Variants in SV2C observed in about 807,000 individuals in gnomAD.
The protein encoded by SV2C is synaptic vesicle glycoprotein 2C.
In SV2C, 49 loss-of-function variants were observed where a neutral mutation model predicts 79.7. The observed-to-expected ratio is 0.61, with a 90% CI of 0.49 to 0.78. SV2C has a LOEUF of 0.78. Ranked by LOEUF, SV2C falls within the 30% of genes least tolerant of loss-of-function variation. SV2C has a pLI of 0.00. For missense variants in SV2C, 833 were observed against 912.9 expected (o/e 0.91, Z 1.13); for synonymous variants, 334 against 333.2 (o/e 1.00, Z -0.03).
At chr5:76,335,567 G>A (rs534928519), downstream of SV2C, among the ~76,000 whole-genome samples, 6 of 152,046 alleles carry the variant, frequency 3.9e-5, no homozygotes, top group South Asian at 1.0e-3. Context: ...AGGACCCTGC[G>A]GCCCTCCGCA....
chr5:76,194,467 C>T (rs754688147), intron 2 of SV2C, among the ~76,000 whole-genome samples: 13 of 152,202 alleles, frequency 8.5e-5, no homozygotes, highest in Non-Finnish European at 1.6e-4. Flanking sequence ...GTCTCCAGGA[C>T]ACACACTGGG....
the SV2C span, among the ~76,000 whole-genome samples, chr5:75,930,995 A>G: frequency 6.6e-6 from 1 of 152,140 alleles, no homozygotes; most frequent in African/African-American, 2.4e-5. Flanking sequence ...TTAGCCAGGC[A>G]CGGTGGCACA....
intron 4 of SV2C, among the ~76,000 whole-genome samples, chr5:76,259,588 C>T (rs1746398585): frequency 2.0e-5 from 3 of 152,024 alleles, no homozygotes; most frequent in African/African-American, 7.2e-5. Flanking sequence ...TCCTAATGCT[C>T]TCCCTCCCCT....
At chr5:76,310,171 G>A (rs980199537) in intron 12 of SV2C, among the ~76,000 whole-genome samples, 1 of 152,228 alleles carries the variant, frequency 6.6e-6, no homozygotes, top group African/African-American at 2.4e-5. Context: ...TTCTATAATA[G>A]TTTGAGGAAG....
rs766025327 is a variant in SV2C at position 76,209,819 on chromosome 5, T to C, written c.845T>C (p.Leu282Pro). Residue 282 changes from leucine (L) to proline (P), a missense_variant, in exon 4 of 13, where the codon CTC (leucine) becomes CCC (proline). Transcript: ENST00000502798. Reference sequence around the variant, plus strand: ...AAGCGGGGCGAACACTTGAGCTGGCTCTGCATGTTCTGGATGATCGGTGGC... The same window carrying C: ...AAGCGGGGCGAACACTTGAGCTGGCCCTGCATGTTCTGGATGATCGGTGGC... ...REKRGEHLSW[L>P]CMFWMIGGIY... is the part of the protein sequence containing the mutation. 6.2e-7 allele frequency: 1 copy of C among 1,614,254 alleles called. No individual in the cohort carries two copies. The highest frequency in any genetic ancestry group is 1.7e-5 in the Admixed American group (1 of 60,032).
At chr5:76,078,056 A>G in the SV2C span, among the ~76,000 whole-genome samples, 1 of 152,220 alleles carries the variant, frequency 6.6e-6, no homozygotes, top group Non-Finnish European at 1.5e-5. Context: ...TGGAGGTCTG[A>G]GCATGCTAGC....
At chr5:76,212,889 C>T (rs1025101235) in intron 4 of SV2C, among the ~76,000 whole-genome samples, 1 of 152,194 alleles carries the variant, frequency 6.6e-6, no homozygotes, top group African/African-American at 2.4e-5. Flanking sequence ...TAAGCATGAT[C>T]ACCACTTTCC....
chr5:75,915,643 A>T, the SV2C span, among the ~76,000 whole-genome samples: 12 of 152,226 alleles, frequency 7.9e-5, no homozygotes, highest in African/African-American at 2.7e-4. Flanking sequence ...GAGAAGGAAC[A>T]TGCAGTCTCC....
At chr5:76,092,836 A>G (rs1747424954) in intron 1 of SV2C, among the ~76,000 whole-genome samples, 1 of 152,050 alleles carries the variant, frequency 6.6e-6, no homozygotes, top group Non-Finnish European at 1.5e-5. Context: ...CCTCAGCTCG[A>G]AGGTCCCTTT....
the SV2C span, among the ~76,000 whole-genome samples, chr5:75,930,996 C>A: frequency 6.6e-6 from 1 of 151,994 alleles, no homozygotes; most frequent in Non-Finnish European, 1.5e-5. Flanking sequence ...TAGCCAGGCA[C>A]GGTGGCACAT....
At chr5:76,337,019 G>A (rs916227314), downstream of SV2C, among the ~76,000 whole-genome samples, 4 of 152,088 alleles carry the variant, frequency 2.6e-5, no homozygotes, top group African/African-American at 9.7e-5. Flanking sequence ...GGCAACATAA[G>A]TCTTGAGGTA....
Position 76,291,819 on chromosome 5 carries a change from A to G in SV2C, c.1300A>G (p.Ile434Val), listed in dbSNP as rs1348438904. 1 of 1,610,934 alleles carries G rather than the reference A, an allele frequency of 6.2e-7. No individual in the cohort carries two copies. Among genetic ancestry groups the G allele is most frequent in the Admixed American group, 1.7e-5 (1 of 59,786 alleles). The change falls in exon 8 of 13, where the codon ATA (isoleucine) becomes GTA (valine). Residue 434 changes from isoleucine (I) to valine (V), a missense_variant. By Grantham distance (29) the Ile-to-Val change is conservative. Transcript: ENST00000502798. ...CFNYPVRDNT[I>V]KLTIVWFTLS... is the part of the protein sequence containing the mutation. ...CAACTACCCAGTCAGGGATAATACA[A>G]TAAAGCTTACAATTGTTTGGTTCAC...
intron 2 of SV2C, chr5:76,174,281 T>G: frequency 8.1e-7 from 1 of 1,236,450 alleles, no homozygotes. Flanking sequence ...GGGTCGCTAC[T>G]CTAGGCGCCA....
intron 4 of SV2C, chr5:76,281,258 GA>G (rs759979519): frequency 7.8e-6 from 4 of 514,724 alleles, no homozygotes; most frequent in Non-Finnish European, 1.6e-5. Context: ...CTCTGATGAA[GA>G]TGACGATTAT....
At chr5:75,913,630 A>G in the SV2C span, among the ~76,000 whole-genome samples, 1 of 152,184 alleles carries the variant, frequency 6.6e-6, no homozygotes, top group Non-Finnish European at 1.5e-5. Context: ...TGGGATAGGG[A>G]TGCTCCTACT....
the SV2C span, among the ~76,000 whole-genome samples, chr5:76,067,740 T>G: frequency 6.6e-6 from 1 of 152,114 alleles, no homozygotes; most frequent in Non-Finnish European, 1.5e-5. Flanking sequence ...TCTCTATGTA[T>G]TCAACATTTC....
At chr5:76,287,807 C>A (rs369091382) in intron 6 of SV2C, among the ~76,000 whole-genome samples, 1 of 152,120 alleles carries the variant, frequency 6.6e-6, no homozygotes, top group East Asian at 1.9e-4. Context: ...CTAAAAATGG[C>A]CAGGCGTGGT....
At chr5:76,195,125 T>C (rs1215237743) in intron 3 of SV2C, 26 bp downstream of exon 3, 1 of 1,604,468 alleles carries the variant, frequency 6.2e-7, no homozygotes, top group African/African-American at 1.4e-5. Context: ...TCATATTTTA[T>C]AGTAATGTGT....
chr5:76,124,642 C>T (rs1189519267), intron 1 of SV2C, among the ~76,000 whole-genome samples: 1 of 152,118 alleles, frequency 6.6e-6, no homozygotes, highest in African/African-American at 2.4e-5. Context: ...GGTGGAATTC[C>T]TAGATTATAT....
Sources: gnomAD v4.1 joint callset for allele counts (sites outside exome capture counted in the v4.1 genomes callset) on GRCh38, gnomAD v4.1.1 for gene constraint, MANE v1.5 for transcripts, NCBI Gene and HGNC (gene_info 2026-07-23, HGNC 2026-07-21) for gene names.